RPS6KA2: variants seen among roughly 807,000 people sequenced by gnomAD.
RPS6KA2 encodes the protein ribosomal protein S6 kinase alpha-2.
RPS6KA2 carries 42 observed loss-of-function variants against 91.8 expected under a neutral mutation model. The observed-to-expected ratio is 0.46, with a 90% CI of 0.36 to 0.59. The LOEUF is 0.59. RPS6KA2 is among the 20% of genes least tolerant of loss of function. The probability of loss-of-function intolerance (pLI) is 0.00; values close to 1 mark genes in which losing one functional copy is unlikely to be tolerated. For synonymous variants in RPS6KA2, 414 were observed against 393.6 expected (o/e 1.05, Z -0.61); for missense variants, 798 against 978.5 (o/e 0.82, Z 2.46).
intron 12 of RPS6KA2, among the ~76,000 whole-genome samples, chr6:166,457,091 C>G (rs1202313316): frequency 6.6e-6 from 1 of 152,216 alleles, no homozygotes; most frequent in Admixed American, 6.5e-5. Context: ...CAAACATAGA[C>G]TTTCTTTCCA....
intron 2 of RPS6KA2, among the ~76,000 whole-genome samples, chr6:166,722,515 C>T (rs935092955): frequency 1.3e-5 from 2 of 152,236 alleles, no homozygotes; most frequent in African/African-American, 4.8e-5. Flanking sequence ...CCACAGGGCC[C>T]ACAGCCACAG....
In RPS6KA2 at chr6:166,591,260, C is replaced by T. The variant is rs117374765; in HGVS notation, c.99+35661G>A. ...GGAAAGATGTTACCATCATTCAACG[C>T]GACCAACAGTGCCACACTGGAGTGC... On this transcript the variant is annotated intron_variant, in intron 1 of 20. Transcript: ENST00000265678. 9.4e-3 allele frequency among the ~76,000 whole-genome samples: 1,433 copies of T among 152,282 alleles called. 75 individuals carry two copies. The highest frequency in any genetic ancestry group is 0.084 in the Admixed American group (1,287 of 15,304).
intron 2 of RPS6KA2, among the ~76,000 whole-genome samples, chr6:166,837,289 G>C (rs757009463): frequency 1.3e-5 from 2 of 152,086 alleles, no homozygotes; most frequent in Non-Finnish European, 2.9e-5. Context: ...GGGGTGGAAG[G>C]CTCGGCCGCT....
rs950472791 is a variant in RPS6KA2, at chr6:166,563,916, G to A, written c.100-25132C>T. Among the ~76,000 whole-genome samples, 15 of 152,260 alleles carry A rather than the reference G, an allele frequency of 9.9e-5. No individual in the cohort carries two copies. The highest frequency in any genetic ancestry group is 2.6e-4 in the African/African-American group (11 of 41,552). On this transcript the variant is annotated intron_variant, in intron 1 of 20. Transcript: ENST00000265678. This position sits in a 1 kb window ranked among gnomAD's most constrained non-coding sequence, Gnocchi z 4.1. ...ACGGGCTTTCAACACGCAGCTGGACGTGGCAGGAAAGAGGAGACGATTACT... is the reference window on the plus strand; with the variant it reads ...ACGGGCTTTCAACACGCAGCTGGACATGGCAGGAAAGAGGAGACGATTACT...
intron 2 of RPS6KA2, among the ~76,000 whole-genome samples, chr6:166,816,538 G>C (rs142687736): frequency 0.071 from 10,734 of 150,712 alleles, 519 homozygotes; most frequent in Non-Finnish European, 0.11. Context: ...CTGGGTGACA[G>C]AGCAAGACTC....
chr6:166,835,889 G>A (rs947523316), intron 2 of RPS6KA2, among the ~76,000 whole-genome samples: 2 of 152,248 alleles, frequency 1.3e-5, no homozygotes, highest in South Asian at 4.1e-4. Flanking sequence ...ATCATATTGA[G>A]GATGTTTCTT....
At chr6:166,775,677 C>T (rs1778597038) in intron 2 of RPS6KA2, among the ~76,000 whole-genome samples, 1 of 152,214 alleles carries the variant, frequency 6.6e-6, no homozygotes, top group Non-Finnish European at 1.5e-5. Flanking sequence ...GCAGCATCAG[C>T]CAAGAAACCG....
intron 1 of RPS6KA2, among the ~76,000 whole-genome samples, chr6:166,589,578 T>C (rs1583305964): frequency 6.6e-6 from 1 of 152,218 alleles, no homozygotes; most frequent in East Asian, 1.9e-4. Context: ...ATTCTACCCT[T>C]AGGTATTTTA....
At chr6:166,507,125 C>T (rs1338611173) in intron 5 of RPS6KA2, among the ~76,000 whole-genome samples, 3 of 152,006 alleles carry the variant, frequency 2.0e-5, no homozygotes, top group Non-Finnish European at 4.4e-5. Context: ...CAATGTTCAG[C>T]CGGCTTAGCA....
At chr6:166,512,632 C>A (rs1158616814) in intron 3 of RPS6KA2, among the ~76,000 whole-genome samples, 1 of 152,158 alleles carries the variant, frequency 6.6e-6, no homozygotes, top group Non-Finnish European at 1.5e-5. Flanking sequence ...GTAATACTGT[C>A]TCCGGGGGCC....
intron 2 of RPS6KA2, among the ~76,000 whole-genome samples, chr6:166,652,365 T>C (rs1055151816): frequency 1.1e-4 from 17 of 152,224 alleles, no homozygotes; most frequent in African/African-American, 4.1e-4. Context: ...ACCCAAAGGA[T>C]GGCTGAAAAT....
At chr6:166,693,132 C>T (rs75973516) in intron 2 of RPS6KA2, among the ~76,000 whole-genome samples, 1 of 152,138 alleles carries the variant, frequency 6.6e-6, no homozygotes, top group South Asian at 2.1e-4. Context: ...GCAAGTTTAG[C>T]GAAATTGACC....
At chr6:166,752,503 CA>C (rs1288012624) in intron 2 of RPS6KA2, among the ~76,000 whole-genome samples, 7 of 152,118 alleles carry the variant, frequency 4.6e-5, no homozygotes, top group East Asian at 1.9e-4. Flanking sequence ...ACAGTCACTT[CA>C]AAAGCTGACA....
At chr6:166,505,491 G>GT in intron 5 of RPS6KA2, among the ~76,000 whole-genome samples, 1 of 152,290 alleles carries the variant, frequency 6.6e-6, no homozygotes, top group South Asian at 2.1e-4. Context: ...TTCTATATTC[G>GT]TCAGGAGAAA....
chr6:166,511,838 C>T (rs1782486834), intron 3 of RPS6KA2, among the ~76,000 whole-genome samples: 1 of 152,102 alleles, frequency 6.6e-6, no homozygotes, highest in South Asian at 2.1e-4. Context: ...AACCATCATG[C>T]ATTGCTGATG....
chr6:166,602,389 T>C (rs1785776434), intron 1 of RPS6KA2, among the ~76,000 whole-genome samples: 2 of 152,318 alleles, frequency 1.3e-5, no homozygotes, highest in African/African-American at 4.8e-5. Context: ...CACCTGCCCC[T>C]ACGGTGCTCA....
At chr6:166,780,316 A>G (rs1778736457) in intron 2 of RPS6KA2, among the ~76,000 whole-genome samples, 2 of 152,190 alleles carry the variant, frequency 1.3e-5, no homozygotes, top group Admixed American at 6.5e-5. Flanking sequence ...GTGTCCTCAG[A>G]GGCACAGAAA....
intron 2 of RPS6KA2, among the ~76,000 whole-genome samples, chr6:166,765,101 G>A (rs1385466507): frequency 6.0e-5 from 8 of 133,234 alleles, no homozygotes; most frequent in African/African-American, 2.3e-4. Flanking sequence ...CAGCCACCAC[G>A]CTGAACAAGG....
chr6:166,641,748 A>AAAAAAAAAAAAAAAAAT (rs1787444245), intron 2 of RPS6KA2, among the ~76,000 whole-genome samples: 1 of 133,100 alleles, frequency 7.5e-6, no homozygotes, highest in Non-Finnish European at 1.6e-5. Flanking sequence ...AAAAAAAAAA[A>AAAAAAAAAAAAAAAAAT]AAAAAAAAAA....
Sources: allele counts gnomAD v4.1 joint callset (sites outside exome capture counted in the v4.1 genomes callset), GRCh38; gene constraint gnomAD v4.1.1; non-coding constraint Gnocchi (gnomAD v3.1); transcripts MANE v1.5; gene names NCBI Gene and HGNC (gene_info 2026-07-23, HGNC 2026-07-21).